DPH6: variants seen among roughly 807,000 people sequenced by gnomAD.
The protein encoded by DPH6 is diphthamine biosynthesis 6.
Under a neutral mutation model 38.2 loss-of-function variants are expected in DPH6, and 33 were observed. The ratio of observed to expected loss-of-function variants is 0.86; its 90% CI spans 0.65 to 1.15. The LOEUF (loss-of-function observed/expected upper bound fraction) is 1.15. Ranked by LOEUF, DPH6 falls within the 50% of genes most tolerant of loss-of-function variation. The probability of loss-of-function intolerance (pLI) is 0.00; values close to 1 mark genes in which losing one functional copy is unlikely to be tolerated. For missense variants in DPH6, 325 were observed against 320.0 expected (o/e 1.02, Z -0.12); for synonymous variants, 108 against 103.0 (o/e 1.05, Z -0.30).
intron 3 of DPH6, among the ~76,000 whole-genome samples, chr15:35,245,060 T>C (rs927937840): frequency 6.6e-6 from 1 of 152,042 alleles, no homozygotes; most frequent in African/African-American, 2.4e-5. Context: ...TCATGCTACA[T>C]ATTGTTAGTG....
At chr15:35,473,059 T>G (rs1217411909) in intron 3 of DPH6, among the ~76,000 whole-genome samples, 1 of 152,120 alleles carries the variant, frequency 6.6e-6, no homozygotes, top group African/African-American at 2.4e-5. Context: ...TAGAAGCAAC[T>G]TCAATGCCTA....
chr15:35,279,921 AGGACT>A (rs896459570), intron 3 of DPH6, among the ~76,000 whole-genome samples: 2 of 152,192 alleles, frequency 1.3e-5, no homozygotes, highest in African/African-American at 4.8e-5. Flanking sequence ...CTAATCCAAT[AGGACT>A]GATGACCTTA....
At chr15:35,504,294 C>A (rs956771591) in intron 3 of DPH6, among the ~76,000 whole-genome samples, 1 of 151,930 alleles carries the variant, frequency 6.6e-6, no homozygotes, top group Admixed American at 6.6e-5. Flanking sequence ...ATCATCTAGT[C>A]ACACCAAATT....
intron 3 of DPH6, among the ~76,000 whole-genome samples, chr15:35,304,255 C>A (rs1447299869): frequency 6.6e-6 from 1 of 152,086 alleles, no homozygotes; most frequent in African/African-American, 2.4e-5. Flanking sequence ...ATTACAGATT[C>A]CTGACTAGAA....
At chr15:35,511,949 T>C (rs1246444117) in intron 3 of DPH6, among the ~76,000 whole-genome samples, 2 of 152,130 alleles carry the variant, frequency 1.3e-5, no homozygotes, top group African/African-American at 2.4e-5. Context: ...AGGTTTAAAA[T>C]AGTAGCACTA....
chr15:35,497,697 G>A (rs1344625852), intron 3 of DPH6, among the ~76,000 whole-genome samples: 1 of 152,144 alleles, frequency 6.6e-6, no homozygotes, highest in Non-Finnish European at 1.5e-5. Flanking sequence ...GGAAAATGGA[G>A]AGAAAAGAGG....
At chr15:35,430,581 C>T (rs1450233030) in intron 5 of DPH6, among the ~76,000 whole-genome samples, 1 of 151,742 alleles carries the variant, frequency 6.6e-6, no homozygotes, top group Admixed American at 6.6e-5. Context: ...TTAATCTAAT[C>T]ATGATCTAAA....
chr15:35,263,285 T>C (rs1394213159), intron 3 of DPH6, among the ~76,000 whole-genome samples: 2 of 151,980 alleles, frequency 1.3e-5, no homozygotes, highest in South Asian at 2.1e-4. Context: ...AATAAACAGG[T>C]ATTAAATTAA....
rs1025907515 is a variant in DPH6, at chr15:35,397,884, C to T, written c.567+12951G>A. Among the ~76,000 whole-genome samples, 42 of 151,040 alleles carry T rather than the reference C, an allele frequency of 2.8e-4. No individual in the cohort carries two copies. The East Asian group carries it at 4.7e-3, about 17-fold the overall frequency. On this transcript the variant is annotated intron_variant, in intron 6 of 8. Transcript: ENST00000256538. ...TTATATATATACACACACACACACACACACACACACACACACACACACACA... is the reference window on the plus strand; with the variant it reads ...TTATATATATACACACACACACACATACACACACACACACACACACACACA...
intron 3 of DPH6, among the ~76,000 whole-genome samples, chr15:35,231,974 G>A (rs2140393132): frequency 6.6e-6 from 1 of 152,288 alleles, no homozygotes; most frequent in Middle Eastern, 3.4e-3. Context: ...TCTCCACTAA[G>A]CTGTACTTCA....
intron 3 of DPH6, among the ~76,000 whole-genome samples, chr15:35,518,739 T>C (rs1204580122): frequency 6.6e-6 from 1 of 152,016 alleles, no homozygotes; most frequent in African/African-American, 2.4e-5. Flanking sequence ...CCAAAGTGCA[T>C]TAAATGTGTT....
chr15:35,185,427 T>C, the DPH6 span, among the ~76,000 whole-genome samples: 1 of 152,146 alleles, frequency 6.6e-6, no homozygotes, highest in Non-Finnish European at 1.5e-5. Context: ...GAGAAGTGCT[T>C]TAGATTACTA....
intron 3 of DPH6, among the ~76,000 whole-genome samples, chr15:35,487,118 A>G (rs775361251): frequency 6.6e-6 from 1 of 152,106 alleles, no homozygotes; most frequent in South Asian, 2.1e-4. Flanking sequence ...TGTAGGGTTA[A>G]AGCTCCTGCA....
rs113040557 is a variant in DPH6 at position 35,233,917 on chromosome 15, C to G, written n.201-13335G>C. On this transcript the variant is annotated intron_variant and non_coding_transcript_variant, in intron 3 of 3. Coordinates refer to the DPH6 transcript ENST00000560386. ...AAACATCACCTTTCAGATAAATGCT[C>G]TGCTTCCCTGACTTTAAATTCATTG... is the stretch of plus-strand genomic sequence containing the variant. Among the ~76,000 whole-genome samples, 106 of 152,342 alleles carry G rather than the reference C, an allele frequency of 7.0e-4. 1 individual carries two copies. The highest frequency in any genetic ancestry group is 2.4e-3 in the African/African-American group (99 of 41,574).
At chr15:35,355,582 A>G (rs957675847) in intron 3 of DPH6, among the ~76,000 whole-genome samples, 3 of 152,162 alleles carry the variant, frequency 2.0e-5, no homozygotes, top group African/African-American at 7.2e-5. Flanking sequence ...TGGGTTGAAA[A>G]TTCTTTTCTT....
intron 5 of DPH6, among the ~76,000 whole-genome samples, chr15:35,449,312 A>C (rs942163244): frequency 6.6e-6 from 1 of 152,102 alleles, no homozygotes; most frequent in African/African-American, 2.4e-5. Context: ...AGGCTTGATA[A>C]AGCTAATTCC....
the DPH6 span, among the ~76,000 whole-genome samples, chr15:35,192,341 C>T: frequency 6.6e-6 from 1 of 152,184 alleles, no homozygotes; most frequent in Admixed American, 6.5e-5. Flanking sequence ...AAGTTCCTGG[C>T]ACTGTAGCTG....
At chr15:35,543,709 A>T (rs1459408720) in intron 1 of DPH6, among the ~76,000 whole-genome samples, 1 of 152,054 alleles carries the variant, frequency 6.6e-6, no homozygotes, top group African/African-American at 2.4e-5. Context: ...CTCATTCCAA[A>T]ACTTCTCAAG....
intron 3 of DPH6, among the ~76,000 whole-genome samples, chr15:35,261,085 T>C (rs949059528): frequency 1.3e-5 from 2 of 152,246 alleles, no homozygotes; most frequent in Non-Finnish European, 2.9e-5. Context: ...TGGAATTTAT[T>C]TCTGCATACC....
Sources: gnomAD v4.1 joint callset for allele counts (sites outside exome capture counted in the v4.1 genomes callset) on GRCh38, gnomAD v4.1.1 for gene constraint, MANE v1.5 for transcripts, NCBI Gene and HGNC (gene_info 2026-07-23, HGNC 2026-07-21) for gene names.